The following MORN3 variants were observed in gnomAD, a reference collection of about 807,000 sequenced individuals.
The protein encoded by MORN3 is MORN repeat containing 3, also known as MORN repeat-containing protein 3.
A neutral mutation model predicts 34.7 loss-of-function variants in MORN3; 38 were observed. That is an observed-to-expected ratio of 1.10 (90% CI 0.85 to 1.44). The LOEUF (loss-of-function observed/expected upper bound fraction) is 1.44. Ranked by LOEUF, MORN3 falls within the 40% of genes most tolerant of loss-of-function variation. The pLI is 0.00. For missense variants in MORN3, 311 were observed against 321.7 expected, an observed-to-expected ratio of 0.97 and a Z score of 0.25; for synonymous variants, 109 against 115.3, an observed-to-expected ratio of 0.95 and a Z score of 0.35.
In MORN3 at chr12:121,651,871, T is replaced by G. The variant is rs543213138; in HGVS notation, c.*7-227A>C. ...CCCAGCTCAGTTGTGTGGCCCAGGG[T>G]GCAAATAGAAGGTTTCAGGCAGGAC... On this transcript the variant is annotated intron_variant, in intron 5 of 5. Coordinates refer to ENST00000355329, the MANE Select transcript of MORN3 (RefSeq NM_173855.5). Among the ~76,000 whole-genome samples the G allele has an allele frequency of 2.0e-5, 3 of 152,144 alleles. No homozygotes were observed. The South Asian group carries it at 6.2e-4, about 32-fold the overall frequency.
intron 1 of MORN3, among the ~76,000 whole-genome samples, chr12:121,665,109 T>A (rs534594531): frequency 4.6e-5 from 7 of 151,772 alleles, no homozygotes; most frequent in African/African-American, 1.4e-4. Flanking sequence ...GGCCTGTTAT[T>A]AGAAGAAGGT....
upstream of MORN3, among the ~76,000 whole-genome samples, chr12:121,672,036 G>T (rs1365779160): frequency 3.9e-5 from 6 of 152,162 alleles, no homozygotes; most frequent in African/African-American, 1.4e-4. Flanking sequence ...CCTCATCAGT[G>T]TAACCTAAAA....
intron 1 of MORN3, among the ~76,000 whole-genome samples, chr12:121,663,687 G>A (rs1893654339): frequency 6.6e-6 from 1 of 152,064 alleles, no homozygotes; most frequent in Non-Finnish European, 1.5e-5. Flanking sequence ...TAGATTCCAG[G>A]ATATGTGTAC....
At chr12:121,658,905 T>C (rs2136873368) in intron 2 of MORN3, among the ~76,000 whole-genome samples, 1 of 152,166 alleles carries the variant, frequency 6.6e-6, no homozygotes, top group Non-Finnish European at 1.5e-5. Flanking sequence ...GGGAAAAGGG[T>C]GGAGGCGACT....
chr12:121,655,785 C>T (rs1893398194), intron 2 of MORN3, among the ~76,000 whole-genome samples: 1 of 152,020 alleles, frequency 6.6e-6, no homozygotes, highest in Non-Finnish European at 1.5e-5. Context: ...AATCCCAGCA[C>T]TTTGGGAGGC....
At chr12:121,653,380 C>G in intron 3 of MORN3, 121 bp from the exon 4 acceptor site, 1 of 1,032,004 alleles carries the variant, frequency 9.7e-7, no homozygotes, top group South Asian at 1.6e-5. Context: ...ATGGGAGGCT[C>G]ATAAGCCCAG....
At position 121,652,236 on chromosome 12, in the gene MORN3, G is replaced by A. The variant is rs375603267; in HGVS notation, c.*6+492C>T. Among the ~76,000 whole-genome samples the A allele has an allele frequency of 2.7e-5, 4 of 150,610 alleles. No individual in the cohort carries two copies. The East Asian group carries it at 5.9e-4, about 22-fold the overall frequency. ...GGATTATAGGATTACTGTGCCTGGC[G>A]AGTTTTGTTTTTTTTGAGACAGAGT... On this transcript the variant is annotated intron_variant, in intron 5 of 5. Transcript: ENST00000355329.
At chr12:121,658,565 C>CAAAAAAAA (rs62682762) in intron 2 of MORN3, among the ~76,000 whole-genome samples, 5 of 68,804 alleles carry the variant, frequency 7.3e-5, no homozygotes, top group Non-Finnish European at 1.1e-4. Context: ...GACTCCCTCT[C>CAAAAAAAA]AAAAAAAAAA....
chr12:121,671,880 CAAAAA>C (rs35496122), upstream of MORN3, among the ~76,000 whole-genome samples: 1 of 132,612 alleles, frequency 7.5e-6, no homozygotes, highest in South Asian at 2.4e-4. Flanking sequence ...AACTCCGTCT[CAAAAA>C]AAAAAAAAAA....
In MORN3 at chr12:121,654,952, G is replaced by A. The variant is rs543329733; in HGVS notation, c.304-519C>T. On this transcript the variant is annotated intron_variant, in intron 2 of 5. Transcript: ENST00000355329. ...TGTTTCTCTCTGTCCCTCTGCTGGC[G>A]CCTCCATGCAGCCAGTCATTAAACT... is the stretch of plus-strand genomic sequence containing the variant. Among the ~76,000 whole-genome samples, 95 of 151,900 alleles carry A rather than the reference G, an allele frequency of 6.3e-4. 1 individual carries two copies. Among genetic ancestry groups the A allele is most frequent in the Admixed American group, 9.9e-4 (15 of 15,222 alleles).
Position 121,655,984 on chromosome 12 carries a change from C to T in MORN3, c.304-1551G>A, listed in dbSNP as rs535672461. ...GGCGGAGCTTGCAGTGAGCCAAGAT[C>T]GCGCCACTGTACTCCAGCCTGGGCA... On this transcript the variant is annotated intron_variant, in intron 2 of 5. Coordinates refer to ENST00000355329, the MANE Select transcript of MORN3 (RefSeq NM_173855.5). 6.6e-5 allele frequency among the ~76,000 whole-genome samples: 10 copies of T among 152,134 alleles called. No individual in the cohort carries two copies. The East Asian group carries it at 1.5e-3, about 24-fold the overall frequency.
intron 3 of MORN3, 58 bp downstream of exon 3, chr12:121,654,216 C>T (rs112006727): frequency 1.9e-4 from 278 of 1,431,154 alleles, no homozygotes; most frequent in Non-Finnish European, 2.4e-4. Context: ...TGGGCGTGGC[C>T]AGCTCGCTGC....
chr12:121,654,447 G>A lies in MORN3; in HGVS notation c.304-14C>T. On this transcript the variant is annotated splice_polypyrimidine_tract_variant and intron_variant, in intron 2 of 5. Coordinates refer to ENST00000355329, the MANE Select transcript of MORN3 (RefSeq NM_173855.5). ...GATCCCATAACCCTGAAAGTACGAA[G>A]ATGCTACTACTCAGGGCGCCCCCCA... 1 of 1,573,988 alleles carries A rather than the reference G, an allele frequency of 6.4e-7. No individual in the cohort carries two copies. Among genetic ancestry groups the A allele is most frequent in the South Asian group, 1.2e-5 (1 of 85,754 alleles).
At chr12:121,671,954 G>A (rs1893980648), upstream of MORN3, among the ~76,000 whole-genome samples, 1 of 151,848 alleles carries the variant, frequency 6.6e-6, no homozygotes, top group Admixed American at 6.6e-5. Flanking sequence ...GACTCCTCTT[G>A]GCTTACTCAG....
intron 1 of MORN3, among the ~76,000 whole-genome samples, chr12:121,662,722 C>G (rs1893620091): frequency 6.7e-6 from 1 of 149,574 alleles, no homozygotes; most frequent in Admixed American, 6.7e-5. Flanking sequence ...CACTGCACTT[C>G]AGGCTGGGCA....
chr12:121,671,279 C>T (rs1163317215), upstream of MORN3, among the ~76,000 whole-genome samples: 9 of 150,720 alleles, frequency 6.0e-5, no homozygotes, highest in African/African-American at 1.2e-4. Context: ...TGGTGGCGGG[C>T]GCCTGTAGTC....
chr12:121,655,449 C>T (rs1893388752), intron 2 of MORN3, among the ~76,000 whole-genome samples: 1 of 151,958 alleles, frequency 6.6e-6, no homozygotes, highest in African/African-American at 2.4e-5. Flanking sequence ...GTGGCTTACG[C>T]CTATAATCCC....
intron 1 of MORN3, among the ~76,000 whole-genome samples, chr12:121,667,801 G>A (rs1469742835): frequency 4.0e-5 from 6 of 150,068 alleles, no homozygotes; most frequent in Non-Finnish European, 5.9e-5. Context: ...TCGGTTCACT[G>A]CAAGCTCCGC....
intron 2 of MORN3, among the ~76,000 whole-genome samples, chr12:121,655,075 G>A (rs2051408020): frequency 6.6e-6 from 1 of 152,020 alleles, no homozygotes; most frequent in Non-Finnish European, 1.5e-5. Context: ...CGCCCATCTA[G>A]GCTGGGCGCT....
Sources: gnomAD v4.1 joint callset for allele counts (sites outside exome capture counted in the v4.1 genomes callset) on GRCh38, gnomAD v4.1.1 for gene constraint, MANE v1.5 for transcripts, NCBI Gene and HGNC (gene_info 2026-07-23, HGNC 2026-07-21) for gene names.